Variants in KCNQ3 observed in about 807,000 individuals in gnomAD.
KCNQ3 encodes potassium voltage-gated channel subfamily Q member 3.
KCNQ3 carries 30 observed loss-of-function variants against 92.5 expected under a neutral mutation model. The observed-to-expected ratio is 0.32, with a 90% CI of 0.24 to 0.44. KCNQ3 has a LOEUF of 0.44. Ranked by LOEUF, KCNQ3 falls within the 20% of genes least tolerant of loss-of-function variation. KCNQ3 has a pLI of 1.00. For synonymous variants in KCNQ3, 450 were observed against 468.8 expected (o/e 0.96, Z 0.52); for missense variants, 913 against 1,140.3 (o/e 0.80, Z 2.87).
At chr8:132,268,442 A>T (rs1458929381) in intron 1 of KCNQ3, among the ~76,000 whole-genome samples, 1 of 152,100 alleles carries the variant, frequency 6.6e-6, no homozygotes, top group African/African-American at 2.4e-5. Flanking sequence ...TATTTTTAGT[A>T]GAGACGAGGT....
chr8:132,388,970 A>T (rs979605079), intron 1 of KCNQ3, among the ~76,000 whole-genome samples: 3 of 152,228 alleles, frequency 2.0e-5, no homozygotes, highest in Non-Finnish European at 4.4e-5. Flanking sequence ...CATTCTGGAA[A>T]AATTTGGTAT....
intron 9 of KCNQ3, among the ~76,000 whole-genome samples, chr8:132,142,766 G>T (rs1463450604): frequency 6.6e-6 from 1 of 152,188 alleles, no homozygotes; most frequent in African/African-American, 2.4e-5. Flanking sequence ...GAGCATGTCT[G>T]GTTAGGCTAG....
At chr8:132,146,791 G>T (rs913087726) in intron 9 of KCNQ3, among the ~76,000 whole-genome samples, 2 of 152,082 alleles carry the variant, frequency 1.3e-5, no homozygotes. Flanking sequence ...GTTTTGCCAT[G>T]CTGGCCAGAT....
intron 1 of KCNQ3, among the ~76,000 whole-genome samples, chr8:132,220,285 A>C (rs1359694158): frequency 6.6e-6 from 1 of 152,162 alleles, no homozygotes; most frequent in Admixed American, 6.5e-5. Flanking sequence ...CAGATAAATA[A>C]GAAAAACTGA....
At chr8:132,237,359 T>G (rs981177653) in intron 1 of KCNQ3, among the ~76,000 whole-genome samples, 1 of 152,208 alleles carries the variant, frequency 6.6e-6, no homozygotes, top group Admixed American at 6.5e-5. Flanking sequence ...GCTGTGCATA[T>G]AATATGTCAG....
At chr8:132,349,478 G>A (rs116884047) in intron 1 of KCNQ3, among the ~76,000 whole-genome samples, 2,657 of 152,330 alleles carry the variant, frequency 0.017, 29 homozygotes, top group Non-Finnish European at 0.027. Flanking sequence ...CTGACAAAGC[G>A]GACTTCCCTG....
intron 1 of KCNQ3, among the ~76,000 whole-genome samples, chr8:132,352,182 C>G (rs181956818): frequency 6.6e-6 from 1 of 152,260 alleles, no homozygotes; most frequent in Non-Finnish European, 1.5e-5. Flanking sequence ...GAGAAGAAAG[C>G]AGCTGATCTG....
intron 9 of KCNQ3, among the ~76,000 whole-genome samples, chr8:132,157,850 C>T (rs1456945665): frequency 6.6e-6 from 1 of 152,008 alleles, no homozygotes; most frequent in Admixed American, 6.6e-5. Flanking sequence ...ACCGACAGGC[C>T]CCGGTGTGTG....
intron 1 of KCNQ3, among the ~76,000 whole-genome samples, chr8:132,436,740 C>A (rs1339441036): frequency 6.6e-6 from 1 of 152,158 alleles, no homozygotes; most frequent in Non-Finnish European, 1.5e-5. Flanking sequence ...AATAGCCAAA[C>A]TGAAATAATT....
At chr8:132,225,026 T>C (rs1245077316) in intron 1 of KCNQ3, among the ~76,000 whole-genome samples, 1 of 152,142 alleles carries the variant, frequency 6.6e-6, no homozygotes, top group Non-Finnish European at 1.5e-5. Flanking sequence ...CATTAATCAA[T>C]CATTTATAGT....
In KCNQ3 at chr8:132,435,744, C is replaced by A. The variant is rs576419454; in HGVS notation, c.386+44403G>T. On this transcript the variant is annotated intron_variant, in intron 1 of 14. Coordinates refer to ENST00000388996, the MANE Select transcript of KCNQ3 (RefSeq NM_004519.4). ...TTATTTTATTTTATTAAGATGAGGTCTCACTATGTTGCCCTGGCTGGTCTC... is the reference window on the plus strand; with the variant it reads ...TTATTTTATTTTATTAAGATGAGGTATCACTATGTTGCCCTGGCTGGTCTC... 1.6e-4 allele frequency among the ~76,000 whole-genome samples: 24 copies of A among 152,104 alleles called. No homozygotes were observed. The East Asian group carries it at 2.9e-3, about 18-fold the overall frequency.
intron 1 of KCNQ3, among the ~76,000 whole-genome samples, chr8:132,415,421 C>G (rs528263665): frequency 4.6e-5 from 7 of 152,186 alleles, no homozygotes; most frequent in Non-Finnish European, 8.8e-5. Context: ...ATCACCACCC[C>G]ATGAGTCTGG....
At chr8:132,429,583 G>A (rs565930998) in intron 1 of KCNQ3, among the ~76,000 whole-genome samples, 2 of 152,146 alleles carry the variant, frequency 1.3e-5, no homozygotes, top group South Asian at 4.1e-4. Flanking sequence ...TTTTCTGGCT[G>A]GGTGCAGTGG....
At chr8:132,231,847 C>T (rs988933136) in intron 1 of KCNQ3, among the ~76,000 whole-genome samples, 1 of 152,204 alleles carries the variant, frequency 6.6e-6, no homozygotes, top group Non-Finnish European at 1.5e-5. Context: ...GAATCCTTGG[C>T]AAGAGTGACT....
At chr8:132,345,682 T>C (rs1468461427) in intron 1 of KCNQ3, among the ~76,000 whole-genome samples, 1 of 152,222 alleles carries the variant, frequency 6.6e-6, no homozygotes, top group East Asian at 1.9e-4. Flanking sequence ...TCATTACCCC[T>C]ATCTCTGAAA....
intron 8 of KCNQ3, among the ~76,000 whole-genome samples, chr8:132,168,715 ATATGTGTGTGTGTGTGTGTGTGTG>A (rs1489526247): frequency 0.014 from 1,842 of 134,514 alleles, 24 homozygotes; most frequent in Middle Eastern, 0.023. Context: ...AGGATAATGA[ATATGTGTGTGTGTGTGTGTGTGTG>A]TGTGTGTGTG....
In KCNQ3 at chr8:132,124,291, T is replaced by C. The variant is rs1229434141; in HGVS notation, c.*4971A>G. On this transcript the variant is annotated 3_prime_UTR_variant, in exon 15 of 15. Transcript: ENST00000388996. ...TTTCTGAAAAAAAATTTTTTTGGTG[T>C]AAATTTAGAGTTTATAAGTAACACC... 8 of 152,226 alleles carry C rather than the reference T, an allele frequency of 5.3e-5. No individual in the cohort carries two copies. Among genetic ancestry groups the C allele is most frequent in the Non-Finnish European group, 1.0e-4 (7 of 68,042 alleles). 9.4% of individuals were successfully genotyped at this position (152,226 alleles called of 1,614,324 possible).
At position 132,480,365 on chromosome 8, in the gene KCNQ3, C is replaced by G. The variant is rs777374664; in HGVS notation, c.168G>C (p.Ala56=). Residue 56 remains alanine, a synonymous_variant, in exon 1 of 15, where the codon GCG becomes GCC. Coordinates refer to ENST00000388996, the MANE Select transcript of KCNQ3 (RefSeq NM_004519.4). ...CGTCTTTGTCGGCTCCGGCCCCGAGCGCCAAGGTGACTTGCTCCACGTCGC... is the reference window on the plus strand; with the variant it reads ...CGTCTTTGTCGGCTCCGGCCCCGAGGGCCAAGGTGACTTGCTCCACGTCGC... The part of the protein sequence containing the change: ...APGDVEQVTL[A]LGAGADKDGT... The G allele has an allele frequency of 2.1e-5, 34 of 1,587,590 alleles. No homozygotes were observed. In the Admixed American group the frequency reaches 3.7e-4, roughly 17 times the overall value.
chr8:132,335,296 C>T (rs2130671381), intron 1 of KCNQ3, among the ~76,000 whole-genome samples: 1 of 152,296 alleles, frequency 6.6e-6, no homozygotes, highest in Admixed American at 6.5e-5. Context: ...GCCTCAGCAT[C>T]CCAAAGTGCT....
Sources: allele counts gnomAD v4.1 joint callset (sites outside exome capture counted in the v4.1 genomes callset), GRCh38; gene constraint gnomAD v4.1.1; transcripts MANE v1.5; gene names NCBI Gene and HGNC (gene_info 2026-07-23, HGNC 2026-07-21).